The following MAGEC3 variants were observed in gnomAD, a reference collection of about 807,000 sequenced individuals.
The protein encoded by MAGEC3 is MAGE family member C3.
MAGEC3 carries 34 observed loss-of-function variants against 35.3 expected under a neutral mutation model. The observed-to-expected ratio is 0.96, with a 90% CI of 0.73 to 1.28. The LOEUF (loss-of-function observed/expected upper bound fraction) is 1.28, where lower values mean the gene tolerates loss of function less well. MAGEC3 is among the 50% of genes most tolerant of loss of function. MAGEC3 has a pLI of 0.00. For missense variants in MAGEC3, 561 were observed against 483.6 expected, an observed-to-expected ratio of 1.16 and a Z score of -1.50; for synonymous variants, 202 against 185.6, an observed-to-expected ratio of 1.09 and a Z score of -0.72.
intron 4 of MAGEC3, among the ~76,000 whole-genome samples, chrX:141,885,958 G>A (rs1013297882): frequency 5.4e-5 from 6 of 111,186 alleles, no homozygotes; most frequent in Admixed American, 9.6e-5. Context: ...TGCAGGGATT[G>A]GTCTTCTCTG....
chrX:141,851,830 TA>T (rs1715644023), intron 1 of MAGEC3, among the ~76,000 whole-genome samples: 2 of 111,675 alleles, frequency 1.8e-5, no homozygotes, highest in Admixed American at 1.9e-4. Flanking sequence ...CATACAGTTT[TA>T]ATTACTGTAA....
intron 4 of MAGEC3, among the ~76,000 whole-genome samples, chrX:141,888,443 C>G (rs1254635673): frequency 8.9e-6 from 1 of 112,106 alleles, no homozygotes; most frequent in Non-Finnish European, 1.9e-5. Context: ...AGGTCAGGGA[C>G]TTGGAAGAAG....
At chrX:141,850,953 C>CCA (rs1330762877) in intron 1 of MAGEC3, among the ~76,000 whole-genome samples, 93 of 110,352 alleles carry the variant, frequency 8.4e-4, no homozygotes, top group Non-Finnish European at 1.2e-3. Context: ...AATGAAAAAG[C>CCA]CACACACACA....
intron 1 of MAGEC3, among the ~76,000 whole-genome samples, chrX:141,861,710 T>C (rs899419748): frequency 8.9e-6 from 1 of 111,871 alleles, no homozygotes; most frequent in Non-Finnish European, 1.9e-5. Flanking sequence ...TGCTGGAATA[T>C]GTGGATAACC....
chrX:141,880,938 C>T (rs1331758231), intron 3 of MAGEC3: 1 of 660,229 alleles, frequency 1.5e-6, no homozygotes. Flanking sequence ...CATCCACATC[C>T]CTGCTCACAC....
chrX:141,896,562 C>T, intron 6 of MAGEC3: 6 of 1,189,539 alleles, frequency 5.0e-6, no homozygotes, highest in South Asian at 1.9e-5. Context: ...TGAAGCTACT[C>T]ACACTGTCAC....
intron 1 of MAGEC3, among the ~76,000 whole-genome samples, chrX:141,865,154 T>C (rs972132206): frequency 5.4e-5 from 6 of 111,651 alleles, no homozygotes; most frequent in African/African-American, 2.0e-4. Flanking sequence ...ATAAATTTTT[T>C]TTCAACCTGT....
chrX:141,886,876 C>T (rs1425378459), intron 4 of MAGEC3, among the ~76,000 whole-genome samples: 6 of 111,732 alleles, frequency 5.4e-5, no homozygotes, highest in South Asian at 3.8e-4. Flanking sequence ...AAAACAATAT[C>T]GCATCCCTGG....
At chrX:141,869,391 A>C (rs1196984507) in intron 2 of MAGEC3, among the ~76,000 whole-genome samples, 1 of 112,305 alleles carries the variant, frequency 8.9e-6, no homozygotes. Flanking sequence ...ACAACCTTTA[A>C]ATTCACTTTA....
Position 141,842,333 on chromosome X carries a change from A to T in MAGEC3, c.123+3895A>T, listed in dbSNP as rs2017691005. On this transcript the variant is annotated intron_variant, in intron 1 of 7. Coordinates refer to ENST00000298296, the MANE Select transcript of MAGEC3 (RefSeq NM_138702.1). ...TTGTTTCAATGAAACAATGAAAATT[A>T]TAACAGACTGTAGTAGCAGCTGAGT... Among the ~76,000 whole-genome samples the T allele has an allele frequency of 2.7e-5, 3 of 111,971 alleles. No individual in the cohort carries two copies. The South Asian group carries it at 1.1e-3, about 41-fold the overall frequency.
chrX:141,840,169 A>G (rs2017677603), intron 1 of MAGEC3, among the ~76,000 whole-genome samples: 1 of 111,682 alleles, frequency 9.0e-6, no homozygotes, highest in East Asian at 2.8e-4. Context: ...AACTTAACTG[A>G]TATTTAACAG....
Position 141,881,605 on chromosome X carries a change from T to A in MAGEC3, c.718T>A (p.Ser240Thr), listed in dbSNP as rs773881782. 1 of 1,209,677 alleles carries A rather than the reference T, an allele frequency of 8.3e-7. No individual in the cohort carries two copies. The highest frequency in any genetic ancestry group is 1.8e-5 in the South Asian group (1 of 56,753). The change falls in exon 4 of 8, where the codon TCC (serine) becomes ACC (threonine). Residue 240 changes from serine to threonine, a missense_variant. Transcript: ENST00000298296. ...GTTCATAGAGATTCTTTTTGGCATTTCCCTGACAGAAGTGGACCCCGACCA... is the reference window on the plus strand; with the variant it reads ...GTTCATAGAGATTCTTTTTGGCATTACCCTGACAGAAGTGGACCCCGACCA... ...REFIEILFGI[S>T]LTEVDPDHFY...
At position 141,871,506 on chromosome X, in the gene MAGEC3, G is replaced by A. The variant is rs770750330; in HGVS notation, c.258+5901G>A. ...GTAATTCAGATGGCTGAGGGAAAAC[G>A]TTTTCCAGGAAAACAAGATTTATGA... On this transcript the variant is annotated intron_variant, in intron 2 of 7. Coordinates refer to ENST00000298296, the MANE Select transcript of MAGEC3 (RefSeq NM_138702.1). Among the ~76,000 whole-genome samples, 16 of 111,694 alleles carry A rather than the reference G, an allele frequency of 1.4e-4. No homozygotes were observed. The South Asian group carries it at 5.6e-3, about 39-fold the overall frequency.
intron 2 of MAGEC3, among the ~76,000 whole-genome samples, chrX:141,874,797 G>A (rs1408561971): frequency 1.2e-5 from 1 of 84,793 alleles, no homozygotes; most frequent in Non-Finnish European, 2.3e-5. Flanking sequence ...ATTATTCTAT[G>A]CATTTTAAAT....
intron 4 of MAGEC3, among the ~76,000 whole-genome samples, chrX:141,888,170 TG>T (rs1206217914): frequency 1.8e-5 from 2 of 112,176 alleles, no homozygotes; most frequent in Non-Finnish European, 3.8e-5. Context: ...CAGCCTGCAC[TG>T]ATGGCCCCGT....
chrX:141,891,706 C>T lies in MAGEC3; in HGVS notation c.910-3563C>T, dbSNP rs750070110. On this transcript the variant is annotated intron_variant, in intron 4 of 7. Coordinates refer to ENST00000298296, the MANE Select transcript of MAGEC3 (RefSeq NM_138702.1). The stretch of plus-strand genomic sequence containing the variant: ...ATATAAATATATATATTTATATATG[C>T]ATATATAAATATATATATTTATATA... Among the ~76,000 whole-genome samples, 173 of 99,992 alleles carry T rather than the reference C, an allele frequency of 1.7e-3. 2 individuals carry two copies. The highest frequency in any genetic ancestry group is 5.1e-3 in the Middle Eastern group (1 of 195). The allele number at this position is 99,992 out of a possible 115,157, so 86.8% of individuals were successfully genotyped here.
intron 2 of MAGEC3, among the ~76,000 whole-genome samples, chrX:141,867,521 C>G (rs1226043608): frequency 8.9e-6 from 1 of 111,845 alleles, no homozygotes; most frequent in African/African-American, 3.3e-5. Context: ...TCTGTAAAAA[C>G]AAAACAAAAC....
In MAGEC3 at chrX:141,897,149, TGCA is replaced by T. The variant is rs1184960087; in HGVS notation, c.1393_1395del (p.Gln465del). On this transcript the variant is annotated inframe_deletion, in exon 7 of 8. Coordinates refer to ENST00000298296, the MANE Select transcript of MAGEC3 (RefSeq NM_138702.1). ...CTGGATGAAAAGGTGGCTGAGTTGG[TGCA>T]GTTTCTTCTCCTCAAATATCAAACA... 1 of 1,210,193 alleles carries T rather than the reference TGCA, an allele frequency of 8.3e-7. No individual in the cohort carries two copies. Among genetic ancestry groups the T allele is most frequent in the East Asian group, 3.0e-5 (1 of 33,750 alleles).
In MAGEC3 at chrX:141,839,312, A is replaced by C. The variant is rs919245920; in HGVS notation, c.123+874A>C. 4 of 529,459 alleles carry C rather than the reference A, an allele frequency of 7.6e-6. No individual in the cohort carries two copies. The African/African-American group carries it at 1.0e-4, about 14-fold the overall frequency. 43.6% of individuals were successfully genotyped at this position (529,459 alleles called of 1,213,427 possible). ...ACCGTTTGGTTATTTTTAATGGAGA[A>C]AGTGAGTACAAAATGCCTCTAGTCT... On this transcript the variant is annotated intron_variant, in intron 1 of 7. Transcript: ENST00000298296.
Sources: allele counts gnomAD v4.1 joint callset (sites outside exome capture counted in the v4.1 genomes callset), GRCh38; gene constraint gnomAD v4.1.1; transcripts MANE v1.5; gene names NCBI Gene and HGNC (gene_info 2026-07-23, HGNC 2026-07-21).